The following FOXP2 variants were observed in gnomAD, a reference collection of about 807,000 sequenced individuals.
FOXP2 encodes forkhead box protein P2.
FOXP2 carries 12 observed loss-of-function variants against 115.8 expected under a neutral mutation model. The observed-to-expected ratio is 0.10, with a 90% CI of 0.07 to 0.17. The LOEUF (loss-of-function observed/expected upper bound fraction) is 0.17, where lower values mean the gene tolerates loss of function less well. Ranked by LOEUF, FOXP2 falls within the 10% of genes least tolerant of loss-of-function variation. The pLI is 1.00. For synonymous variants in FOXP2, 328 were observed against 297.7 expected (o/e 1.10, Z -1.05); for missense variants, 629 against 843.5 (o/e 0.75, Z 3.15).
rs138841024 is a variant in FOXP2, at chr7:114,564,799, T to G, written c.258+30093T>G. Among the ~76,000 whole-genome samples, 1,039 of 151,446 alleles carry G rather than the reference T, an allele frequency of 6.9e-3. 10 individuals are homozygous for G. Among genetic ancestry groups the G allele is most frequent in the African/African-American group, 0.023 (954 of 41,224 alleles). ...AGGAGACTGAGGTGAGAGGATTACT[T>G]GATCCTAAGTGGTGGATGCTGCAGT... On this transcript the variant is annotated intron_variant, in intron 3 of 16. Coordinates refer to ENST00000350908, the MANE Select transcript of FOXP2 (RefSeq NM_014491.4).
chr7:114,436,097 A>T (rs1231173795), intron 2 of FOXP2, among the ~76,000 whole-genome samples: 1 of 152,098 alleles, frequency 6.6e-6, no homozygotes, highest in Non-Finnish European at 1.5e-5. Flanking sequence ...AAAGAATCAA[A>T]CTTCTTGAGT....
At chr7:114,526,965 G>A (rs1420844876) in intron 2 of FOXP2, among the ~76,000 whole-genome samples, 2 of 147,716 alleles carry the variant, frequency 1.4e-5, no homozygotes, top group African/African-American at 2.5e-5. Flanking sequence ...TCTATCTTAC[G>A]TCTGGGCCCT....
chr7:114,455,928 A>G (rs918599718), intron 2 of FOXP2, among the ~76,000 whole-genome samples: 11 of 151,978 alleles, frequency 7.2e-5, no homozygotes, highest in African/African-American at 2.7e-4. Context: ...CAGGCAATGT[A>G]TTTTTTTGCA....
chr7:114,309,254 G>C (rs932661292), intron 2 of FOXP2, among the ~76,000 whole-genome samples: 1 of 152,086 alleles, frequency 6.6e-6, no homozygotes, highest in African/African-American at 2.4e-5. Flanking sequence ...CTCTCTTCTC[G>C]TCACTCTGTG....
chr7:114,316,923 G>A (rs1048966201), intron 2 of FOXP2, among the ~76,000 whole-genome samples: 5 of 151,956 alleles, frequency 3.3e-5, no homozygotes, highest in Non-Finnish European at 7.4e-5. Context: ...AGTGATTGAG[G>A]TACTTAATCC....
chr7:114,373,316 A>G (rs918852018), intron 2 of FOXP2, among the ~76,000 whole-genome samples: 1 of 152,108 alleles, frequency 6.6e-6, no homozygotes, highest in African/African-American at 2.4e-5. Flanking sequence ...AGTCGCGCCC[A>G]GCCGAATCAA....
chr7:114,130,602 C>T (rs1178329285), intron 1 of FOXP2, among the ~76,000 whole-genome samples: 2 of 152,120 alleles, frequency 1.3e-5, no homozygotes, highest in South Asian at 2.1e-4. Flanking sequence ...TAACTTAGAA[C>T]ATTTAAATTC....
At chr7:114,131,120 T>C (rs1002015127) in intron 1 of FOXP2, among the ~76,000 whole-genome samples, 1 of 152,192 alleles carries the variant, frequency 6.6e-6, no homozygotes, top group Non-Finnish European at 1.5e-5. Context: ...AATGGCACTT[T>C]TGTTCCGTGT....
chr7:114,561,973 T>C (rs1694457980), intron 3 of FOXP2, among the ~76,000 whole-genome samples: 1 of 152,076 alleles, frequency 6.6e-6, no homozygotes, highest in South Asian at 2.1e-4. Flanking sequence ...TTCTTTAAAA[T>C]CACTTTGAAT....
intron 2 of FOXP2, among the ~76,000 whole-genome samples, chr7:114,301,385 G>A (rs1047224763): frequency 6.6e-6 from 1 of 152,034 alleles, no homozygotes; most frequent in African/African-American, 2.4e-5. Flanking sequence ...AGATGCAATG[G>A]CATTCCTCAT....
chr7:114,300,931 A>G (rs977280149), intron 2 of FOXP2, among the ~76,000 whole-genome samples: 2 of 152,046 alleles, frequency 1.3e-5, no homozygotes, highest in African/African-American at 2.4e-5. Flanking sequence ...TCTTAGCCCC[A>G]TGAGACAATG....
chr7:114,677,674 G>A (rs954410016), intron 16 of FOXP2, among the ~76,000 whole-genome samples: 2 of 152,118 alleles, frequency 1.3e-5, no homozygotes, highest in Non-Finnish European at 2.9e-5. Flanking sequence ...CACAACAAAA[G>A]CAACACATAT....
At chr7:114,390,369 G>C (rs1792562701) in intron 2 of FOXP2, among the ~76,000 whole-genome samples, 2 of 152,026 alleles carry the variant, frequency 1.3e-5, no homozygotes. Context: ...ATTTGTTTAT[G>C]AGAAATTACT....
At chr7:114,563,647 A>G (rs964581059) in intron 3 of FOXP2, among the ~76,000 whole-genome samples, 1 of 152,134 alleles carries the variant, frequency 6.6e-6, no homozygotes, top group Non-Finnish European at 1.5e-5. Context: ...TGGTATTACC[A>G]CTACATAAGT....
chr7:114,379,337 A>G (rs554351351), intron 2 of FOXP2, among the ~76,000 whole-genome samples: 1 of 152,282 alleles, frequency 6.6e-6, no homozygotes, highest in South Asian at 2.1e-4. Context: ...CCATGTTTAA[A>G]GGTGGATGCG....
At chr7:114,573,760 T>C (rs1235094945) in intron 3 of FOXP2, among the ~76,000 whole-genome samples, 1 of 151,680 alleles carries the variant, frequency 6.6e-6, no homozygotes, top group Non-Finnish European at 1.5e-5. Flanking sequence ...AAAAATCCCT[T>C]AATTTTATTA....
intron 3 of FOXP2, among the ~76,000 whole-genome samples, chr7:114,574,622 A>T (rs73429393): frequency 6.6e-6 from 1 of 151,816 alleles, no homozygotes; most frequent in African/African-American, 2.4e-5. Flanking sequence ...TTGGCACCTC[A>T]TCTGCCTGAA....
At chr7:114,208,530 C>A (rs1366312735) in intron 1 of FOXP2, among the ~76,000 whole-genome samples, 1 of 151,996 alleles carries the variant, frequency 6.6e-6, no homozygotes, top group Non-Finnish European at 1.5e-5. Flanking sequence ...GGAAGGCATA[C>A]TTGGTTTTGA....
intron 1 of FOXP2, among the ~76,000 whole-genome samples, chr7:114,186,808 A>C (rs528374926): frequency 6.6e-6 from 1 of 152,162 alleles, no homozygotes; most frequent in South Asian, 2.1e-4. Flanking sequence ...CCATGTGGAC[A>C]CTGCCAAGGT....
Sources: allele counts gnomAD v4.1 joint callset (sites outside exome capture counted in the v4.1 genomes callset), GRCh38; gene constraint gnomAD v4.1.1; transcripts MANE v1.5; gene names NCBI Gene and HGNC (gene_info 2026-07-23, HGNC 2026-07-21).